SHOC2: variants seen among roughly 807,000 people sequenced by gnomAD.
The protein encoded by SHOC2 is SHOC2 leucine rich repeat scaffold protein, also known as leucine-rich repeat protein SHOC-2.
Under a neutral mutation model 50.2 loss-of-function variants are expected in SHOC2, and 4 were observed. The observed-to-expected ratio is 0.08, with a 90% confidence interval of 0.04 to 0.18. The LOEUF is 0.18. SHOC2 is among the 10% of genes least tolerant of loss of function. The pLI is 1.00. For synonymous variants in SHOC2, 218 were observed against 244.5 expected (o/e 0.89, Z 1.01); for missense variants, 388 against 669.6 (o/e 0.58, Z 4.64).
At chr10:110,974,302 G>A (rs1847836181) in intron 2 of SHOC2, among the ~76,000 whole-genome samples, 1 of 151,830 alleles carries the variant, frequency 6.6e-6, no homozygotes, top group African/African-American at 2.4e-5. Context: ...ATATGAGAGA[G>A]ATTTTCAGAT....
At chr10:110,983,376 C>T (rs1391950627) in intron 2 of SHOC2, among the ~76,000 whole-genome samples, 3 of 151,362 alleles carry the variant, frequency 2.0e-5, no homozygotes, top group Non-Finnish European at 4.4e-5. Flanking sequence ...TTATTTTTAT[C>T]TTTTTCTGTT....
At position 110,920,337 on chromosome 10, in the gene SHOC2, G is replaced by C. The variant is rs531385328; in HGVS notation, c.-235+680G>C. The stretch of plus-strand genomic sequence containing the variant: ...TCTCCCCGTGATAGCACAGCTTTTA[G>C]GGAGAGAGGAAAAGTAGTCTCACTC... On this transcript the variant is annotated intron_variant, in intron 1 of 8. Coordinates refer to ENST00000369452, the MANE Select transcript of SHOC2 (RefSeq NM_007373.4). 2.0e-4 allele frequency among the ~76,000 whole-genome samples: 31 copies of C among 152,226 alleles called. 1 individual carries two copies. The South Asian group carries it at 6.4e-3, about 32-fold the overall frequency.
chr10:110,953,161 G>C (rs1847390303), intron 1 of SHOC2, among the ~76,000 whole-genome samples: 1 of 152,166 alleles, frequency 6.6e-6, no homozygotes, highest in Non-Finnish European at 1.5e-5. Context: ...CCCAATGGTT[G>C]AACTAATTTA....
At chr10:110,958,454 C>T (rs943187046) in intron 1 of SHOC2, among the ~76,000 whole-genome samples, 10 of 152,080 alleles carry the variant, frequency 6.6e-5, no homozygotes, top group Admixed American at 6.5e-5. Context: ...CCTCCTGATC[C>T]GTCTGCCTCA....
chr10:110,972,681 C>T (rs1246289346), intron 2 of SHOC2, among the ~76,000 whole-genome samples: 7 of 151,986 alleles, frequency 4.6e-5, no homozygotes, highest in African/African-American at 1.4e-4. Flanking sequence ...CCCGTCTCTA[C>T]AAAAAATTAG....
chr10:110,936,816 GCC>G, intron 1 of SHOC2: 1 of 1,197,412 alleles, frequency 8.4e-7, no homozygotes, highest in Non-Finnish European at 1.2e-6. Context: ...TGAGCCAGGT[GCC>G]CCAGATAGGC....
intron 2 of SHOC2, among the ~76,000 whole-genome samples, chr10:110,976,132 A>C (rs1273684118): frequency 6.6e-6 from 1 of 151,970 alleles, no homozygotes; most frequent in Non-Finnish European, 1.5e-5. Context: ...GCTGGTCTCA[A>C]ATTCTGTCCT....
intron 1 of SHOC2, among the ~76,000 whole-genome samples, chr10:110,963,352 A>G (rs1180705528): frequency 6.6e-6 from 1 of 152,108 alleles, no homozygotes; most frequent in East Asian, 1.9e-4. Context: ...GAATATACAC[A>G]TCATTGGACA....
chr10:110,932,987 T>C (rs997748797), intron 1 of SHOC2, among the ~76,000 whole-genome samples: 2 of 152,250 alleles, frequency 1.3e-5, no homozygotes, highest in African/African-American at 2.4e-5. Flanking sequence ...TATCATTCCA[T>C]GTACTTCTGA....
At chr10:110,989,036 G>A (rs1848133147) in intron 3 of SHOC2, 4 of 503,856 alleles carry the variant, frequency 7.9e-6, no homozygotes, top group South Asian at 5.9e-5. Flanking sequence ...GTTCCCAAAA[G>A]CTTGACAATT....
At chr10:110,957,532 A>AC (rs149911635) in intron 1 of SHOC2, among the ~76,000 whole-genome samples, 17,961 of 127,712 alleles carry the variant, frequency 0.14, 1,403 homozygotes, top group East Asian at 0.39. Context: ...TCATGAAGAT[A>AC]CCCCCCCCCC....
chr10:110,936,718 T>G (rs1031583938), intron 1 of SHOC2: 2 of 933,662 alleles, frequency 2.1e-6, no homozygotes, highest in South Asian at 1.4e-5. Context: ...TTATGAGCTC[T>G]TTCTTCTTCC....
chr10:110,960,601 G>T (rs766118188), intron 1 of SHOC2, among the ~76,000 whole-genome samples: 9 of 152,176 alleles, frequency 5.9e-5, no homozygotes, highest in Non-Finnish European at 1.2e-4. Flanking sequence ...TTGAAATTCA[G>T]AGTTTTCATA....
chr10:110,975,731 G>A (rs1847865903), intron 2 of SHOC2, among the ~76,000 whole-genome samples: 1 of 152,096 alleles, frequency 6.6e-6, no homozygotes, highest in African/African-American at 2.4e-5. Context: ...TTTTGACCTC[G>A]ACCAGTTGGT....
At chr10:110,990,770 CA>C (rs1211883999) in intron 3 of SHOC2, among the ~76,000 whole-genome samples, 3 of 149,886 alleles carry the variant, frequency 2.0e-5, no homozygotes, top group South Asian at 4.3e-4. Context: ...AAACAAAAAA[CA>C]AAAAAAAACA....
chr10:110,989,351 T>C (rs10885075), intron 3 of SHOC2, among the ~76,000 whole-genome samples: 120,973 of 152,116 alleles, frequency 0.8, 48,489 homozygotes, highest in East Asian at 0.95. Flanking sequence ...TCTTAATGTT[T>C]ATCAGCAGTC....
chr10:110,956,943 G>A (rs1391016112), intron 1 of SHOC2, among the ~76,000 whole-genome samples: 1 of 151,998 alleles, frequency 6.6e-6, no homozygotes, highest in African/African-American at 2.4e-5. Context: ...TGAAAGAAAA[G>A]GTTCTAGCTG....
rs185660091 is a variant in SHOC2, at chr10:111,008,405, A to G, written c.1284+752A>G. Among the ~76,000 whole-genome samples the G allele has an allele frequency of 4.1e-3, 630 of 151,992 alleles. 5 individuals are homozygous for G. The highest frequency in any genetic ancestry group is 0.014 in the African/African-American group (584 of 41,494). ...ATAGTATGGTTTAATGGCTAAAAAC[A>G]TGGGCTTTGAAGTCAAACAAAGCTG... is the stretch of plus-strand genomic sequence containing the variant. On this transcript the variant is annotated intron_variant, in intron 6 of 8. Coordinates refer to ENST00000369452, the MANE Select transcript of SHOC2 (RefSeq NM_007373.4).
intron 1 of SHOC2, among the ~76,000 whole-genome samples, chr10:110,926,654 T>G (rs115787281): frequency 1.5e-4 from 23 of 152,326 alleles, no homozygotes; most frequent in African/African-American, 5.5e-4. Context: ...TTCAAGACAC[T>G]TTGTTTTATA....
Sources: gnomAD v4.1 joint callset for allele counts (sites outside exome capture counted in the v4.1 genomes callset) on GRCh38, gnomAD v4.1.1 for gene constraint, MANE v1.5 for transcripts, NCBI Gene and HGNC (gene_info 2026-07-23, HGNC 2026-07-21) for gene names.